KCTD8: variants seen among roughly 807,000 people sequenced by gnomAD.
The protein encoded by KCTD8 is potassium channel tetramerization domain containing 8.
Under a neutral mutation model 31.5 loss-of-function variants are expected in KCTD8, and 27 were observed. The observed-to-expected ratio is 0.86, with a 90% CI of 0.63 to 1.18. The LOEUF (loss-of-function observed/expected upper bound fraction) is 1.18, where lower values mean the gene tolerates loss of function less well. Among genes scored for constraint, KCTD8 ranks in the 50% most tolerant of loss-of-function variants. KCTD8 has a pLI of 0.00. For synonymous variants in KCTD8, 290 were observed against 280.0 expected, an observed-to-expected ratio of 1.04 and a Z score of -0.36; for missense variants, 658 against 647.7, an observed-to-expected ratio of 1.02 and a Z score of -0.17.
intron 1 of KCTD8, among the ~76,000 whole-genome samples, chr4:44,292,921 A>G (rs1271247196): frequency 6.6e-6 from 1 of 152,126 alleles, no homozygotes; most frequent in Non-Finnish European, 1.5e-5. Flanking sequence ...GTTTGTTTAC[A>G]TAGAGACTGT....
At chr4:44,225,994 G>GT (rs552690602) in intron 1 of KCTD8, among the ~76,000 whole-genome samples, 57 of 151,450 alleles carry the variant, frequency 3.8e-4, no homozygotes, top group South Asian at 1.7e-3. Context: ...CTAATTTTTT[G>GT]TTTTTTTGTA....
At chr4:44,325,949 A>G (rs1312761676) in intron 1 of KCTD8, among the ~76,000 whole-genome samples, 1 of 151,950 alleles carries the variant, frequency 6.6e-6, no homozygotes, top group African/African-American at 2.4e-5. Context: ...AAAAATTTAA[A>G]CTTAATGGAG....
At chr4:44,378,253 A>C (rs1463068484) in intron 1 of KCTD8, among the ~76,000 whole-genome samples, 1 of 147,470 alleles carries the variant, frequency 6.8e-6, no homozygotes, top group Non-Finnish European at 1.5e-5. Flanking sequence ...ATATATATAT[A>C]TATATCTCCA....
chr4:44,433,484 G>C (rs1456476754), intron 1 of KCTD8, among the ~76,000 whole-genome samples: 2 of 151,618 alleles, frequency 1.3e-5, no homozygotes, highest in East Asian at 3.9e-4. Flanking sequence ...AGGTTTTATG[G>C]AGCTCTTCAC....
At chr4:44,363,170 C>A (rs1719543957) in intron 1 of KCTD8, among the ~76,000 whole-genome samples, 1 of 152,040 alleles carries the variant, frequency 6.6e-6, no homozygotes, top group African/African-American at 2.4e-5. Context: ...CGTTTTTGAT[C>A]CCTGTCACTA....
At chr4:44,418,212 A>G (rs145753110) in intron 1 of KCTD8, among the ~76,000 whole-genome samples, 104 of 152,282 alleles carry the variant, frequency 6.8e-4, no homozygotes, top group African/African-American at 2.5e-3. Context: ...TGGAAAGAGG[A>G]AACATTAATT....
At chr4:44,222,459 TG>T (rs1378640256) in intron 1 of KCTD8, among the ~76,000 whole-genome samples, 1 of 152,152 alleles carries the variant, frequency 6.6e-6, no homozygotes, top group African/African-American at 2.4e-5. Flanking sequence ...CAGTTGCATA[TG>T]TAGGATTAGT....
At chr4:44,284,962 T>C (rs1185428292) in intron 1 of KCTD8, among the ~76,000 whole-genome samples, 1 of 152,100 alleles carries the variant, frequency 6.6e-6, no homozygotes, top group Non-Finnish European at 1.5e-5. Flanking sequence ...CATTAAAAAG[T>C]CAGGAAACAA....
intron 1 of KCTD8, among the ~76,000 whole-genome samples, chr4:44,434,723 A>G (rs921253574): frequency 1.3e-5 from 2 of 151,980 alleles, no homozygotes; most frequent in African/African-American, 4.8e-5. Context: ...CCATCTTTCA[A>G]TACTTCACAC....
At chr4:44,215,689 A>G (rs749232183) in intron 1 of KCTD8, among the ~76,000 whole-genome samples, 6 of 152,320 alleles carry the variant, frequency 3.9e-5, no homozygotes, top group Non-Finnish European at 7.4e-5. Context: ...TATTTTCCCA[A>G]TTTGTAACAA....
At chr4:44,433,189 A>C (rs1448142329) in intron 1 of KCTD8, among the ~76,000 whole-genome samples, 1 of 146,658 alleles carries the variant, frequency 6.8e-6, no homozygotes, top group Non-Finnish European at 1.5e-5. Flanking sequence ...TCACTCATCC[A>C]GTATATCCTC....
chr4:44,333,030 A>G (rs1172606198), intron 1 of KCTD8, among the ~76,000 whole-genome samples: 1 of 152,060 alleles, frequency 6.6e-6, no homozygotes, highest in East Asian at 1.9e-4. Flanking sequence ...TATGTTCACA[A>G]CTATTTGTAT....
intron 1 of KCTD8, among the ~76,000 whole-genome samples, chr4:44,216,458 A>C (rs1460386249): frequency 2.0e-5 from 3 of 152,144 alleles, no homozygotes; most frequent in Non-Finnish European, 4.4e-5. Flanking sequence ...TTAATCCAAT[A>C]CCCTAACCTG....
chr4:44,204,484 T>C (rs149098882), intron 1 of KCTD8, among the ~76,000 whole-genome samples: 4,828 of 152,186 alleles, frequency 0.032, 255 homozygotes, highest in African/African-American at 0.11. Context: ...TACTGGTGCA[T>C]GCAGCCCCCA....
At chr4:44,235,550 T>G (rs1399664367) in intron 1 of KCTD8, among the ~76,000 whole-genome samples, 3 of 87,362 alleles carry the variant, frequency 3.4e-5, no homozygotes, top group Admixed American at 1.1e-4. Context: ...TATATATATA[T>G]ATATATATAT....
At chr4:44,194,815 C>CCTTCCTTCCTT in intron 1 of KCTD8, among the ~76,000 whole-genome samples, 1 of 94,766 alleles carries the variant, frequency 1.1e-5, no homozygotes, top group Admixed American at 1.0e-4. Flanking sequence ...CTCCCTCCCT[C>CCTTCCTTCCTT]CCTTCCTTCC....
intron 1 of KCTD8, among the ~76,000 whole-genome samples, chr4:44,212,358 C>T (rs1026690245): frequency 1.6e-4 from 24 of 152,176 alleles, no homozygotes; most frequent in Non-Finnish European, 2.4e-4. Context: ...CTTGCAACTG[C>T]ATATGAATCT....
At chr4:44,420,931 A>G (rs1239196623) in intron 1 of KCTD8, among the ~76,000 whole-genome samples, 2 of 152,066 alleles carry the variant, frequency 1.3e-5, no homozygotes, top group Non-Finnish European at 2.9e-5. Flanking sequence ...GATCTCAACT[A>G]GGATGATTGT....
chr4:44,216,927 G>A (rs1292149470), intron 1 of KCTD8, among the ~76,000 whole-genome samples: 2 of 151,958 alleles, frequency 1.3e-5, no homozygotes, highest in African/African-American at 4.8e-5. Context: ...CATCTTTCTT[G>A]GTCTAAAGAT....
Sources: gnomAD v4.1 joint callset for allele counts (sites outside exome capture counted in the v4.1 genomes callset) on GRCh38, gnomAD v4.1.1 for gene constraint, MANE v1.5 for transcripts, NCBI Gene and HGNC (gene_info 2026-07-23, HGNC 2026-07-21) for gene names.